The following LANCL3 variants were observed in gnomAD, a reference collection of about 807,000 sequenced individuals.
LANCL3 encodes LanC like family member 3.
In LANCL3, 19 loss-of-function variants were observed where a neutral mutation model predicts 26.5. The observed-to-expected ratio is 0.72, with a 90% confidence interval of 0.50 to 1.05. LANCL3 has a LOEUF of 1.05. LANCL3 is among the 50% of genes least tolerant of loss of function. The probability of loss-of-function intolerance (pLI) is 0.00; values close to 1 mark genes in which losing one functional copy is unlikely to be tolerated. For missense variants in LANCL3, 318 were observed against 362.7 expected (o/e 0.88, Z 1.00); for synonymous variants, 160 against 166.6 (o/e 0.96, Z 0.30).
rs781913259 is a variant in LANCL3, at chrX:37,660,662, C to T, written c.895+1003C>T. Among the ~76,000 whole-genome samples the T allele has an allele frequency of 3.6e-5, 4 of 111,806 alleles. No individual in the cohort carries two copies. The East Asian group carries it at 1.1e-3, about 31-fold the overall frequency. On this transcript the variant is annotated intron_variant, in intron 3 of 4. Transcript: ENST00000378619. ...TTTTCAAGGCCATGCTTCAATCCCA[C>T]AAGCACAGTTTTAAAATATATTTGA...
At chrX:37,664,516 G>A (rs1283243273) in intron 3 of LANCL3, among the ~76,000 whole-genome samples, 2 of 108,649 alleles carry the variant, frequency 1.8e-5, no homozygotes, top group Non-Finnish European at 3.8e-5. Flanking sequence ...TTTTTTTATT[G>A]AGGTGAAATT....
At chrX:37,624,997 T>C (rs1168324292) in intron 1 of LANCL3, among the ~76,000 whole-genome samples, 1 of 111,400 alleles carries the variant, frequency 9.0e-6, no homozygotes, top group Non-Finnish European at 1.9e-5. Context: ...ACTGCCTGTG[T>C]ATAGAAGAAA....
intron 1 of LANCL3, among the ~76,000 whole-genome samples, chrX:37,651,046 A>G (rs1926128449): frequency 9.0e-6 from 1 of 110,876 alleles, no homozygotes; most frequent in Non-Finnish European, 1.9e-5. Flanking sequence ...ATGGCCCTAC[A>G]AAGGACAAGA....
chrX:37,675,997 C>A lies in LANCL3; in HGVS notation c.*184C>A. On this transcript the variant is annotated 3_prime_UTR_variant, in exon 5 of 5. Coordinates refer to ENST00000378619, the MANE Select transcript of LANCL3 (RefSeq NM_001170331.2). ...AGAAAGGATCTGCAAAATAAAGATA[C>A]CACAATTCATCTTAAAACTGCAGAG... 3.2e-6 allele frequency: 1 copy of A among 309,235 alleles called. No homozygotes were observed. Among genetic ancestry groups the A allele is most frequent in the East Asian group, 4.8e-5 (1 of 20,819 alleles). The allele number at this position is 309,235 out of a possible 1,213,427, so 25.5% of individuals were successfully genotyped here.
intron 1 of LANCL3, among the ~76,000 whole-genome samples, chrX:37,637,508 TC>T (rs1167945387): frequency 9.0e-5 from 10 of 111,154 alleles, no homozygotes; most frequent in African/African-American, 3.3e-4. Flanking sequence ...CGTGGCCCCT[TC>T]CTCCCATTTC....
At position 37,648,690 on chromosome X, in the gene LANCL3, G is replaced by A. The variant is rs958565459; in HGVS notation, c.574-6998G>A. On this transcript the variant is annotated intron_variant, in intron 1 of 4. Coordinates refer to ENST00000378619, the MANE Select transcript of LANCL3 (RefSeq NM_001170331.2). ...TGAACAGGTGACATACGGAATGGGA[G>A]AAAATTTTTGCAATCTACTCATCTG... Among the ~76,000 whole-genome samples the A allele has an allele frequency of 5.4e-5, 6 of 111,664 alleles. No individual in the cohort carries two copies. The East Asian group carries it at 1.7e-3, about 31-fold the overall frequency.
Position 37,667,367 on chromosome X carries a change from A to G in LANCL3, c.981A>G (p.Thr327=). The change falls in exon 4 of 5, where the codon ACA becomes ACG. Residue 327 remains threonine (T), a synonymous_variant. Transcript: ENST00000378619. ...LDTCIRCGEL[T]WQKGLLKKGP... ...CATGTATTCGGTGTGGGGAACTCACATGGCAGAAAGGCCTGCTAAAGAAGG... is the reference window on the plus strand; with the variant it reads ...CATGTATTCGGTGTGGGGAACTCACGTGGCAGAAAGGCCTGCTAAAGAAGG... The G allele has an allele frequency of 8.3e-7, 1 of 1,199,765 alleles. No individual in the cohort carries two copies. Among genetic ancestry groups the G allele is most frequent in the Non-Finnish European group, 1.1e-6 (1 of 890,704 alleles).
At position 37,641,422 on chromosome X, in the gene LANCL3, G is replaced by T. The variant is rs181737924; in HGVS notation, c.574-14266G>T. The stretch of plus-strand genomic sequence containing the variant: ...AGAAGTTCTGAATTTTCCAACCATG[G>T]TTACCAGACCCCCCGACATACCCCG... On this transcript the variant is annotated intron_variant, in intron 1 of 4. Transcript: ENST00000378619. Among the ~76,000 whole-genome samples the T allele has an allele frequency of 5.2e-3, 570 of 110,134 alleles. 7 individuals carry two copies. The highest frequency in any genetic ancestry group is 0.019 in the Middle Eastern group (4 of 212).
chrX:37,616,965 T>C (rs902452484), intron 1 of LANCL3, among the ~76,000 whole-genome samples: 8 of 111,895 alleles, frequency 7.1e-5, no homozygotes, highest in Non-Finnish European at 5.6e-5. Context: ...AACTTAAAAG[T>C]GCTCTTTTGA....
chrX:37,585,390 G>T (rs1481143931), intron 1 of LANCL3, among the ~76,000 whole-genome samples: 2 of 111,472 alleles, frequency 1.8e-5, no homozygotes, highest in Non-Finnish European at 3.8e-5. Flanking sequence ...AATGTTGACA[G>T]TGGGGTGTTA....
intron 4 of LANCL3, among the ~76,000 whole-genome samples, chrX:37,670,452 T>C (rs59747967): frequency 0.32 from 35,302 of 110,486 alleles, 6,204 homozygotes; most frequent in African/African-American, 0.69. Context: ...CATGGGCTTG[T>C]AATAATTTTA....
chrX:37,605,596 C>T (rs1336314880), intron 1 of LANCL3, among the ~76,000 whole-genome samples: 1 of 111,689 alleles, frequency 9.0e-6, no homozygotes, highest in African/African-American at 3.3e-5. Flanking sequence ...CTACCTGTGT[C>T]CCCTAGGCTT....
At chrX:37,618,624 C>G (rs1030600702) in intron 1 of LANCL3, among the ~76,000 whole-genome samples, 22 of 111,649 alleles carry the variant, frequency 2.0e-4, no homozygotes, top group African/African-American at 7.2e-4. Context: ...TATTCCTTGG[C>G]TTGTAGATCT....
chrX:37,587,015 GT>G (rs781964617), intron 1 of LANCL3, among the ~76,000 whole-genome samples: 1 of 112,860 alleles, frequency 8.9e-6, no homozygotes, highest in Non-Finnish European at 1.9e-5. Flanking sequence ...CCTTCTAACA[GT>G]CAGGACCCTC....
chrX:37,572,592 G>A, intron 1 of LANCL3, 149 bp downstream of exon 1: 1 of 479,311 alleles, frequency 2.1e-6, no homozygotes, highest in Non-Finnish European at 3.5e-6. Flanking sequence ...AGTCCCTTGA[G>A]GTCTATCTCC....
At chrX:37,613,950 T>C (rs1924943893) in intron 1 of LANCL3, among the ~76,000 whole-genome samples, 1 of 112,047 alleles carries the variant, frequency 8.9e-6, no homozygotes, top group African/African-American at 3.2e-5. Context: ...TCCTGCTACT[T>C]CAGGGTTCTG....
intron 1 of LANCL3, among the ~76,000 whole-genome samples, chrX:37,630,167 T>A (rs1444506413): frequency 1.8e-5 from 2 of 108,746 alleles, no homozygotes; most frequent in African/African-American, 6.7e-5. Context: ...GTCCTTCACA[T>A]CCCTTGTAAG....
intron 1 of LANCL3, among the ~76,000 whole-genome samples, chrX:37,616,243 G>C (rs898259426): frequency 9.0e-6 from 1 of 111,407 alleles, no homozygotes; most frequent in African/African-American, 3.3e-5. Context: ...ATATATATAT[G>C]TGACAAAGAG....
chrX:37,675,604 T>C lies in LANCL3; in HGVS notation c.1104-50T>C, dbSNP rs147751440. The C allele has an allele frequency of 3.2e-4, 262 of 816,903 alleles. No individual in the cohort carries two copies. The African/African-American group carries it at 4.9e-3, about 15-fold the overall frequency. The allele number at this position is 816,903 out of a possible 1,213,427, so 67.3% of individuals were successfully genotyped here. ...AGAGGAAGAAGCAACCCAAGGTCCATAATATGGAAACACTCATGTTAAACT... is the reference window on the plus strand; with the variant it reads ...AGAGGAAGAAGCAACCCAAGGTCCACAATATGGAAACACTCATGTTAAACT... On this transcript the variant is annotated intron_variant, in intron 4 of 4. Transcript: ENST00000378619.
Sources: gnomAD v4.1 joint callset for allele counts (sites outside exome capture counted in the v4.1 genomes callset) on GRCh38, gnomAD v4.1.1 for gene constraint, MANE v1.5 for transcripts, NCBI Gene and HGNC (gene_info 2026-07-23, HGNC 2026-07-21) for gene names.